The following UBR3 variants were observed in gnomAD, a reference collection of about 807,000 sequenced individuals.
UBR3 encodes the protein ubiquitin protein ligase E3 component n-recognin 3.
A neutral mutation model predicts 243.2 loss-of-function variants in UBR3; 85 were observed. The observed-to-expected ratio is 0.35, with a 90% CI of 0.29 to 0.42. The LOEUF (loss-of-function observed/expected upper bound fraction) is 0.42, where lower values mean the gene tolerates loss of function less well. UBR3 is among the 10% of genes least tolerant of loss of function. The pLI is 1.00. For missense variants in UBR3, 1,686 were observed against 2,300.8 expected, an observed-to-expected ratio of 0.73 and a Z score of 5.47; for synonymous variants, 748 against 799.8, an observed-to-expected ratio of 0.94 and a Z score of 1.09.
At chr2:169,939,216 C>T (rs2086471723) in intron 19 of UBR3, among the ~76,000 whole-genome samples, 1 of 151,458 alleles carries the variant, frequency 6.6e-6, no homozygotes, top group African/African-American at 2.4e-5. Flanking sequence ...CTCCCACCCC[C>T]ATTTTCTATT....
intron 30 of UBR3, among the ~76,000 whole-genome samples, chr2:170,019,460 G>A (rs2090331530): frequency 6.6e-6 from 1 of 152,092 alleles, no homozygotes; most frequent in Admixed American, 6.5e-5. Flanking sequence ...GAGGTTGGGA[G>A]GATCGCTTGA....
intron 36 of UBR3, among the ~76,000 whole-genome samples, chr2:170,076,037 T>C (rs1383328139): frequency 6.6e-6 from 1 of 152,148 alleles, no homozygotes; most frequent in East Asian, 1.9e-4. Flanking sequence ...TTCTCTGAAG[T>C]GCTGCCACCA....
At chr2:169,917,011 G>T (rs2085490192) in intron 11 of UBR3, among the ~76,000 whole-genome samples, 1 of 152,100 alleles carries the variant, frequency 6.6e-6, no homozygotes, top group South Asian at 2.1e-4. Context: ...AGTGGCTTTA[G>T]GAATGGTTTA....
intron 32 of UBR3, 81 bp downstream of exon 32, chr2:170,041,066 G>C (rs973607947): frequency 4.4e-6 from 6 of 1,365,898 alleles, no homozygotes; most frequent in Middle Eastern, 3.7e-4. Context: ...AAATAGGCTG[G>C]GTGTGGTGGC....
intron 26 of UBR3, among the ~76,000 whole-genome samples, chr2:169,999,925 G>A (rs2089633631): frequency 6.6e-6 from 1 of 152,074 alleles, no homozygotes; most frequent in Non-Finnish European, 1.5e-5. Flanking sequence ...TCGGGAGTTC[G>A]AGACCAGCCT....
At chr2:169,902,266 C>G (rs147393907) in intron 8 of UBR3, among the ~76,000 whole-genome samples, 1 of 152,190 alleles carries the variant, frequency 6.6e-6, no homozygotes, top group Non-Finnish European at 1.5e-5. Flanking sequence ...CACCATAGTT[C>G]AAACCATGGC....
At chr2:169,849,781 C>A (rs1209423562) in intron 1 of UBR3, among the ~76,000 whole-genome samples, 1 of 152,118 alleles carries the variant, frequency 6.6e-6, no homozygotes. Flanking sequence ...CCAAAGGTAG[C>A]TTAGGGGAAG....
intron 26 of UBR3, among the ~76,000 whole-genome samples, chr2:169,996,255 A>G (rs1291122323): frequency 6.6e-6 from 1 of 152,194 alleles, no homozygotes; most frequent in Non-Finnish European, 1.5e-5. Flanking sequence ...TAGAGTAGAA[A>G]GAGTCCTAGA....
At chr2:169,993,393 C>G (rs146846241) in intron 25 of UBR3, among the ~76,000 whole-genome samples, 13 of 152,218 alleles carry the variant, frequency 8.5e-5, no homozygotes, top group Admixed American at 4.6e-4. Context: ...ATTTCTTGAT[C>G]CACAATCGAA....
chr2:170,000,057 C>T (rs2105398962), intron 26 of UBR3, among the ~76,000 whole-genome samples: 1 of 150,832 alleles, frequency 6.6e-6, no homozygotes, highest in African/African-American at 2.4e-5. Flanking sequence ...ACCCGGGAGG[C>T]GGAGGTTGTG....
chr2:169,990,366 C>A (rs2089216071), intron 25 of UBR3, among the ~76,000 whole-genome samples: 1 of 151,970 alleles, frequency 6.6e-6, no homozygotes, highest in Non-Finnish European at 1.5e-5. Context: ...GAGAATAATA[C>A]AATATTATAT....
chr2:169,829,654 A>AC (rs1207595535), intron 1 of UBR3, among the ~76,000 whole-genome samples: 4 of 151,996 alleles, frequency 2.6e-5, no homozygotes, highest in Non-Finnish European at 5.9e-5. Flanking sequence ...CGAACTCCCG[A>AC]CCTCAGGTGA....
chr2:170,073,770 A>G (rs2091749975), intron 36 of UBR3, among the ~76,000 whole-genome samples, 163 bp downstream of exon 36: 1 of 152,186 alleles, frequency 6.6e-6, no homozygotes, highest in African/African-American at 2.4e-5. Context: ...TTTATAATGG[A>G]AGAAATATTT....
rs767918647 is a variant in UBR3, at chr2:169,875,940, C to T, written c.835C>T (p.Leu279=). ...VLTNQQNYKD[L]TSGLGENACV... ...GACAAACCAACAAAACTACAAAGAT[C>T]TGACTTCTGGTGAGTAAAATGTTAG... Residue 279 remains leucine, a synonymous_variant, in exon 3 of 39, where the codon CTG becomes TTG. Coordinates refer to ENST00000272793, the MANE Select transcript of UBR3 (RefSeq NM_172070.4). 1.1e-5 allele frequency: 17 copies of T among 1,528,448 alleles called. No homozygotes were observed. Among genetic ancestry groups the T allele is most frequent in the South Asian group, 2.5e-5 (2 of 78,744 alleles). The allele number at this position is 1,528,448 out of a possible 1,614,324, so 94.7% of individuals were successfully genotyped here.
intron 35 of UBR3, among the ~76,000 whole-genome samples, chr2:170,064,058 A>G (rs2091504693): frequency 6.6e-6 from 1 of 152,194 alleles, no homozygotes; most frequent in Non-Finnish European, 1.5e-5. Context: ...TTGAGTACAA[A>G]GCATATGCTT....
intron 36 of UBR3, chr2:170,077,900 CTT>C (rs1166059544): frequency 8.4e-6 from 4 of 476,130 alleles, no homozygotes; most frequent in Non-Finnish European, 1.2e-5. Context: ...TCAAATAACT[CTT>C]AACACTTCTG....
At chr2:169,863,689 T>C (rs2083161843) in intron 1 of UBR3, among the ~76,000 whole-genome samples, 1 of 152,240 alleles carries the variant, frequency 6.6e-6, no homozygotes, top group African/African-American at 2.4e-5. Flanking sequence ...GTTTCATTTG[T>C]CAGGTCTTTG....
In UBR3 at chr2:170,080,703, T is replaced by C; in HGVS notation, c.5549+19T>C. On this transcript the variant is annotated intron_variant, in intron 38 of 38. Coordinates refer to ENST00000272793, the MANE Select transcript of UBR3 (RefSeq NM_172070.4). ...ATCTTAGGTTAGATGTTCATGGATA[T>C]ATCCAGGTGTTTTATTGAAATTTGG... 6.2e-7 allele frequency: 1 copy of C among 1,602,282 alleles called. No homozygotes were observed. The highest frequency in any genetic ancestry group is 8.5e-7 in the Non-Finnish European group (1 of 1,174,656).
intron 24 of UBR3, among the ~76,000 whole-genome samples, chr2:169,976,460 C>T (rs559952968): frequency 3.3e-5 from 5 of 152,230 alleles, no homozygotes; most frequent in African/African-American, 1.2e-4. Context: ...GATGAATTCC[C>T]TCAGTTTCTC....
Sources: gnomAD v4.1 joint callset for allele counts (sites outside exome capture counted in the v4.1 genomes callset) on GRCh38, gnomAD v4.1.1 for gene constraint, MANE v1.5 for transcripts, NCBI Gene and HGNC (gene_info 2026-07-23, HGNC 2026-07-21) for gene names.